Variants in WDR3 observed in about 807,000 individuals in gnomAD.
WDR3 encodes the protein WD repeat domain 3, also known as WD repeat-containing protein 3.
WDR3 carries 81 observed loss-of-function variants against 123.7 expected under a neutral mutation model. That is an observed-to-expected ratio of 0.65 (90% CI 0.55 to 0.79). WDR3 has a LOEUF of 0.79. WDR3 is among the 30% of genes least tolerant of loss of function. The pLI, the probability that WDR3 is intolerant of heterozygous loss-of-function variation, is 0.00. For missense variants in WDR3, 1,027 were observed against 1,123.2 expected (o/e 0.91, Z 1.22); for synonymous variants, 390 against 388.8 (o/e 1.00, Z -0.04).
chr1:117,931,098 T>C (rs1044735336), intron 1 of WDR3, among the ~76,000 whole-genome samples: 1 of 152,178 alleles, frequency 6.6e-6, no homozygotes, highest in African/African-American at 2.4e-5. Context: ...GCCTGGTTAA[T>C]TTTTTAAAAA....
chr1:117,960,146 G>GTGTA lies in WDR3; in HGVS notation c.*700_*701insGTAT, dbSNP rs66538942. Reference sequence around the variant, plus strand: ...TGTGTGTGTGTGTGTGTGTGTGTGTGTATGTGTATGTGTATGTACACATAC... The same window carrying GTGTA: ...TGTGTGTGTGTGTGTGTGTGTGTGTGTGTATATGTGTATGTGTATGTACACATAC... On this transcript the variant is annotated 3_prime_UTR_variant, in exon 27 of 27. Transcript: ENST00000349139. The GTGTA allele has an allele frequency of 2.5e-5, 3 of 119,004 alleles. No homozygotes were observed. The highest frequency in any genetic ancestry group is 1.0e-4 in the African/African-American group (3 of 29,948). The allele number at this position is 119,004 out of a possible 1,614,324, so 7.4% of individuals were successfully genotyped here.
chr1:117,930,076 C>T (rs1234689321), intron 1 of WDR3, among the ~76,000 whole-genome samples: 1 of 152,222 alleles, frequency 6.6e-6, no homozygotes, highest in Admixed American at 6.5e-5. Flanking sequence ...CCCTCCGTCA[C>T]CCTCCCCTGA....
At position 117,965,881 on chromosome 1, in the gene WDR3, G is replaced by A. The variant is rs1016321176; in HGVS notation, c.*6434G>A. 3.3e-5 allele frequency: 5 copies of A among 152,166 alleles called. No individual in the cohort carries two copies. The East Asian group carries it at 9.6e-4, about 29-fold the overall frequency. The allele number at this position is 152,166 out of a possible 1,614,324, so 9.4% of individuals were successfully genotyped here. ...CTAATACTCAAGCTTTTGGCAAGTT[G>A]AACTCCCTGCCAATCATCCCAAACA... On this transcript the variant is annotated 3_prime_UTR_variant, in exon 27 of 27. Coordinates refer to ENST00000349139, the MANE Select transcript of WDR3 (RefSeq NM_006784.3).
chr1:117,958,917 T>G lies in WDR3; in HGVS notation c.2590T>G (p.Phe864Val). The change falls in exon 26 of 27, where the codon TTT becomes GTT. Residue 864 changes from phenylalanine (F) to valine (V), a missense_variant. By Grantham distance (50) the Phe-to-Val change is conservative (BLOSUM62 -1). Coordinates refer to ENST00000349139, the MANE Select transcript of WDR3 (RefSeq NM_006784.3). ...GTTTTGTTTTTCTATCAGGATTCACTTTGGACAGATCACTAGCAATCAAAT... is the reference window on the plus strand; with the variant it reads ...GTTTTGTTTTTCTATCAGGATTCACGTTGGACAGATCACTAGCAATCAAAT... ...RCLFFLLRIH[F>V]GQITSNQMLV... 6.2e-7 allele frequency: 1 copy of G among 1,613,886 alleles called. No homozygotes were observed. Among genetic ancestry groups the G allele is most frequent in the South Asian group, 1.1e-5 (1 of 91,054 alleles).
chr1:117,948,585 G>A (rs1264207432), intron 13 of WDR3, 79 bp downstream of exon 13: 14 of 983,112 alleles, frequency 1.4e-5, no homozygotes, highest in East Asian at 1.1e-4. Flanking sequence ...TTTAAAGAAA[G>A]CCTGAGGTTT....
At chr1:117,948,594 T>C in intron 13 of WDR3, 88 bp downstream of exon 13, 2 of 771,162 alleles carry the variant, frequency 2.6e-6, no homozygotes, top group Non-Finnish European at 3.7e-6. Context: ...AGCCTGAGGT[T>C]TTTTTTTTTT....
At position 117,959,437 on chromosome 1, in the gene WDR3, C is replaced by T. The variant is rs372899746; in HGVS notation, c.2822C>T (p.Thr941Met). 40 of 1,606,706 alleles carry T rather than the reference C, an allele frequency of 2.5e-5. No individual in the cohort carries two copies. Among genetic ancestry groups the T allele is most frequent in the Admixed American group, 6.8e-5 (4 of 58,796 alleles). ...KRKKREKLIL[T>M]LT ...AAAAAGAGGGAGAAGTTGATTCTAA[C>T]GTTGACTTAGAACTGAAATGTGGTA... The change falls in exon 27 of 27, where the codon ACG (threonine) becomes ATG (methionine). Residue 941 changes from threonine (T) to methionine (M), a missense_variant. By Grantham distance (81) the Thr-to-Met change is moderately conservative (BLOSUM62 -1). Transcript: ENST00000349139.
At chr1:117,939,381 C>T in intron 5 of WDR3, 96 bp from the exon 6 acceptor site, 1 of 1,268,830 alleles carries the variant, frequency 7.9e-7, no homozygotes, top group Non-Finnish European at 1.1e-6. Context: ...AATTGCTAGA[C>T]ATTTTACTAC....
chr1:117,955,126 T>C, intron 23 of WDR3, 189 bp from the exon 24 acceptor site: 1 of 478,842 alleles, frequency 2.1e-6, no homozygotes, highest in South Asian at 4.5e-5. Context: ...GTAGCATAGT[T>C]GGTAAGGGGC....
rs780090748 is a variant in WDR3, at chr1:117,952,319, C to T, written c.1927C>T (p.Pro643Ser). The T allele has an allele frequency of 1.2e-6, 2 of 1,612,456 alleles. No homozygotes were observed. The highest frequency in any genetic ancestry group is 1.7e-6 in the Non-Finnish European group (2 of 1,179,188). The change falls in exon 18 of 27, where the codon CCC becomes TCC. Residue 643 changes from proline to serine, a missense_variant. Transcript: ENST00000349139. ...CAGTGTGATGTACCTACAGTTTGTA[C>T]CCAAGTCTCACCTCTTCTTCACTGC... Reference protein sequence around the residue: ...DDSVMYLQFVPKSHLFFTAGK... With the variant: ...DDSVMYLQFVSKSHLFFTAGK...
intron 3 of WDR3, 124 bp downstream of exon 3, chr1:117,934,806 G>A (rs760874787): frequency 2.6e-4 from 240 of 932,616 alleles, no homozygotes; most frequent in Non-Finnish European, 3.6e-4. Flanking sequence ...GTAGTATAAT[G>A]ATAGAGTGAA....
At chr1:117,951,843 A>G in intron 16 of WDR3, 133 bp from the exon 17 acceptor site, 1 of 778,068 alleles carries the variant, frequency 1.3e-6, no homozygotes, top group East Asian at 2.7e-5. Flanking sequence ...CAGTGTTTTT[A>G]GTAGAGATGA....
In WDR3 at chr1:117,950,046, T is replaced by C. The variant is rs370211968; in HGVS notation, c.1662T>C (p.Cys554=). 6.2e-7 allele frequency: 1 copy of C among 1,614,068 alleles called. No homozygotes were observed. The highest frequency in any genetic ancestry group is 1.7e-5 in the Admixed American group (1 of 60,010). ...RTLQLDEDVL[C]VSYSPNQKLL... ...TGCAACTAGATGAAGATGTTCTGTG[T>C]GTCAGTTACTCTCCCAATCAAAAGC... The change falls in exon 15 of 27, where the codon TGT becomes TGC. Residue 554 remains cysteine, a synonymous_variant. Transcript: ENST00000349139.
At position 117,952,088 on chromosome 1, in the gene WDR3, CTT is replaced by C. The variant is rs767467287; in HGVS notation, c.1904+15_1904+16del. 1.2e-6 allele frequency: 2 copies of C among 1,608,636 alleles called. No homozygotes were observed. The highest frequency in any genetic ancestry group is 1.7e-5 in the Admixed American group (1 of 58,686). On this transcript the variant is annotated intron_variant, in intron 17 of 26. Transcript: ENST00000349139. ...GCACATGATGACAGGTATGTATAGT[CTT>C]TTCAAATGTCTCCCTTTGAGTCACC...
chr1:117,959,510 A>G lies in WDR3; in HGVS notation c.*63A>G. On this transcript the variant is annotated 3_prime_UTR_variant, in exon 27 of 27. Transcript: ENST00000349139. ...CCTTTAAAGGACTCCTAAACTAAGC[A>G]CAGAAGAGTTGGCGTCATCTTAAAA... 6.8e-7 allele frequency: 1 copy of G among 1,461,602 alleles called. No homozygotes were observed. The highest frequency in any genetic ancestry group is 9.1e-7 in the Non-Finnish European group (1 of 1,098,672). The allele number at this position is 1,461,602 out of a possible 1,614,324, so 90.5% of individuals were successfully genotyped here.
chr1:117,945,520 T>C (rs769193476), intron 11 of WDR3, among the ~76,000 whole-genome samples: 3 of 152,182 alleles, frequency 2.0e-5, no homozygotes, highest in Non-Finnish European at 4.4e-5. Flanking sequence ...ATTATGTTGC[T>C]CTATAGCACC....
rs983055064 is a variant in WDR3, at chr1:117,961,312, T to C, written c.*1865T>C. The stretch of plus-strand genomic sequence containing the variant: ...AATAATAATAGTAAAAAAAAATCTG[T>C]ATAACAGTGGAGCCAAGTGGTTAAA... On this transcript the variant is annotated 3_prime_UTR_variant, in exon 27 of 27. Coordinates refer to ENST00000349139, the MANE Select transcript of WDR3 (RefSeq NM_006784.3). 1.3e-5 allele frequency: 2 copies of C among 152,104 alleles called. No homozygotes were observed. The highest frequency in any genetic ancestry group is 6.6e-5 in the Admixed American group (1 of 15,254). 9.4% of individuals were successfully genotyped at this position (152,104 alleles called of 1,614,324 possible).
chr1:117,948,556 T>G lies in WDR3; in HGVS notation c.1524+50T>G, dbSNP rs199915321. 5.5e-6 allele frequency: 8 copies of G among 1,445,174 alleles called. No individual in the cohort carries two copies. In the Admixed American group the frequency reaches 1.4e-4, roughly 25 times the overall value. 89.5% of individuals were successfully genotyped at this position (1,445,174 alleles called of 1,614,324 possible). A position where few individuals can be genotyped will look rare whatever the true frequency, so the allele number is the denominator to read the frequency against. ...CTGGAGTTCAGCCCTGTGGCTACCCTGATTTCTCTCAGGGTTTCTTTAAAG... is the reference window on the plus strand; with the variant it reads ...CTGGAGTTCAGCCCTGTGGCTACCCGGATTTCTCTCAGGGTTTCTTTAAAG... On this transcript the variant is annotated intron_variant, in intron 13 of 26. Transcript: ENST00000349139.
chr1:117,951,688 T>A (rs1271595223), intron 16 of WDR3, among the ~76,000 whole-genome samples: 1 of 152,048 alleles, frequency 6.6e-6, no homozygotes, highest in East Asian at 1.9e-4. Flanking sequence ...TTAGAAAATC[T>A]TTTTCCTATC....
Sources: gnomAD v4.1 joint callset for allele counts (sites outside exome capture counted in the v4.1 genomes callset) on GRCh38, gnomAD v4.1.1 for gene constraint, MANE v1.5 for transcripts, NCBI Gene and HGNC (gene_info 2026-07-23, HGNC 2026-07-21) for gene names.